PCYT1A: variants seen among roughly 807,000 people sequenced by gnomAD.
The protein encoded by PCYT1A is phosphate cytidylyltransferase 1A, choline.
Under a neutral mutation model 43.7 loss-of-function variants are expected in PCYT1A, and 25 were observed. The observed-to-expected ratio is 0.57, with a 90% CI of 0.42 to 0.80. The LOEUF (loss-of-function observed/expected upper bound fraction) is 0.80. Among genes scored for constraint, PCYT1A ranks in the 30% least tolerant of loss-of-function variants. PCYT1A has a pLI of 0.00. For synonymous variants in PCYT1A, 172 were observed against 170.7 expected (o/e 1.01, Z -0.06); for missense variants, 421 against 474.2 (o/e 0.89, Z 1.04).
rs192453839 is a variant in PCYT1A, at chr3:196,258,408, A to G, written c.118-521T>C. Among the ~76,000 whole-genome samples the G allele has an allele frequency of 1.1e-4, 16 of 152,206 alleles. No homozygotes were observed. The East Asian group carries it at 3.1e-3, about 29-fold the overall frequency. The stretch of plus-strand genomic sequence containing the variant: ...GTTCCTTGATATTATGTAACAGTGC[A>G]ATTGATTTGTATTTGTGTTTGTGTA... On this transcript the variant is annotated intron_variant, in intron 2 of 8. Transcript: ENST00000431016.
At chr3:196,257,149 C>G (rs752297909) in intron 3 of PCYT1A, among the ~76,000 whole-genome samples, 3 of 152,090 alleles carry the variant, frequency 2.0e-5, no homozygotes, top group Non-Finnish European at 4.4e-5. Context: ...TTGGAAGTTT[C>G]TTTTTATAAT....
At chr3:196,254,983 A>G (rs544183369) in intron 3 of PCYT1A, among the ~76,000 whole-genome samples, 1 of 152,236 alleles carries the variant, frequency 6.6e-6, no homozygotes, top group Non-Finnish European at 1.5e-5. Flanking sequence ...CTTGTCTCTC[A>G]AATCATATTT....
At chr3:196,260,154 C>G (rs1237387648) in intron 2 of PCYT1A, among the ~76,000 whole-genome samples, 1 of 151,862 alleles carries the variant, frequency 6.6e-6, no homozygotes, top group Non-Finnish European at 1.5e-5. Flanking sequence ...AACTCCTGGC[C>G]TCAAGTGATC....
chr3:196,250,631 C>A (rs942768901), intron 3 of PCYT1A: 1 of 157,834 alleles, frequency 6.3e-6, no homozygotes, highest in African/African-American at 2.6e-5. Context: ...ATACACTATG[C>A]TGAGGCTGAG....
chr3:196,274,297 G>T (rs1725525402), intron 1 of PCYT1A, among the ~76,000 whole-genome samples: 1 of 152,178 alleles, frequency 6.6e-6, no homozygotes, highest in South Asian at 2.1e-4. Context: ...AAACGGGCAG[G>T]GCTTCCACCT....
intron 7 of PCYT1A, among the ~76,000 whole-genome samples, chr3:196,241,126 T>C (rs1577353367): frequency 9.8e-6 from 1 of 101,906 alleles, no homozygotes; most frequent in Non-Finnish European, 1.9e-5. Flanking sequence ...AAACCCCATC[T>C]CTGCTAAAAA....
chr3:196,280,146 A>T (rs1419075614), intron 1 of PCYT1A, among the ~76,000 whole-genome samples: 1 of 152,080 alleles, frequency 6.6e-6, no homozygotes, highest in African/African-American at 2.4e-5. Flanking sequence ...AATCCTTTCT[A>T]TTCAACTTCC....
rs896792074 is a variant in PCYT1A at position 196,287,610 on chromosome 3, C to T, written c.-11+5G>A. ...TCAAACAGAGACGCAAAGATAGGCA[C>T]ACACCTGCAACTCACGCTCCCCCGA... On this transcript the variant is annotated splice_donor_5th_base_variant and intron_variant, in intron 1 of 8. Transcript: ENST00000431016. The T allele has an allele frequency of 2.0e-5, 3 of 152,392 alleles. No homozygotes were observed. The highest frequency in any genetic ancestry group is 2.9e-5 in the Non-Finnish European group (2 of 68,218). The allele number at this position is 152,392 out of a possible 1,614,324, so 9.4% of individuals were successfully genotyped here.
At chr3:196,253,209 C>T (rs1041964408) in intron 3 of PCYT1A, among the ~76,000 whole-genome samples, 12 of 151,828 alleles carry the variant, frequency 7.9e-5, no homozygotes, top group South Asian at 4.2e-4. Context: ...TGGTGGTGGG[C>T]GCCTGTAATC....
chr3:196,256,384 G>C (rs986880172), intron 3 of PCYT1A, among the ~76,000 whole-genome samples: 1 of 151,982 alleles, frequency 6.6e-6, no homozygotes, highest in Non-Finnish European at 1.5e-5. Flanking sequence ...CAGCTACTCG[G>C]GAGGCTGGGG....
chr3:196,274,346 A>G (rs892414133), intron 1 of PCYT1A, among the ~76,000 whole-genome samples: 1 of 152,238 alleles, frequency 6.6e-6, no homozygotes, highest in Admixed American at 6.5e-5. Context: ...CGTGCAGCAC[A>G]GACCATGCCT....
chr3:196,248,298 G>A lies in PCYT1A; in HGVS notation c.243C>T (p.Ala81=), dbSNP rs145098418. The A allele has an allele frequency of 1.7e-4, 277 of 1,610,678 alleles. 2 individuals carry two copies. The South Asian group carries it at 2.3e-3, about 13-fold the overall frequency. The stretch of plus-strand genomic sequence containing the variant: ...AGTGAAATAAGTCAAATATTCCATC[G>A]GCATAAACTCTCACAGGTCGCTCAC... ...TPCERPVRVY[A]DGIFDLFHSG... Residue 81 remains alanine (A), a synonymous_variant, in exon 4 of 9, where the codon GCC becomes GCT. Coordinates refer to ENST00000431016, the MANE Select transcript of PCYT1A (RefSeq NM_001312673.2).
chr3:196,257,241 A>G (rs1164578352), intron 3 of PCYT1A, among the ~76,000 whole-genome samples: 1 of 152,248 alleles, frequency 6.6e-6, no homozygotes, highest in Non-Finnish European at 1.5e-5. Context: ...CTGCTAATTA[A>G]TTATGTAAAT....
chr3:196,240,275 AGGT>A (rs2108761687), intron 7 of PCYT1A, among the ~76,000 whole-genome samples: 1 of 152,338 alleles, frequency 6.6e-6, no homozygotes, highest in Admixed American at 6.5e-5. Context: ...TAGTATTTTA[AGGT>A]CCATTTACTC....
rs1263934548 is a variant in PCYT1A, at chr3:196,237,865, A to G, written c.*823T>C. ...GTCCCGCTCCTCTCCTCATCATTGT[A>G]ACTCTAAAAGTGTTCCTTCCTTCGA... On this transcript the variant is annotated 3_prime_UTR_variant, in exon 9 of 9. Coordinates refer to ENST00000431016, the MANE Select transcript of PCYT1A (RefSeq NM_001312673.2). The G allele has an allele frequency of 6.6e-6, 1 of 152,232 alleles. No homozygotes were observed. 9.4% of individuals were successfully genotyped at this position (152,232 alleles called of 1,614,324 possible). A position where few individuals can be genotyped will look rare whatever the true frequency, so the allele number is the denominator to read the frequency against.
At chr3:196,269,029 C>T (rs540577613) in intron 2 of PCYT1A, among the ~76,000 whole-genome samples, 2 of 152,300 alleles carry the variant, frequency 1.3e-5, no homozygotes, top group African/African-American at 2.4e-5. Flanking sequence ...TGTGGGAACC[C>T]TCTAGAAGCT....
chr3:196,243,619 A>G (rs963613904), intron 5 of PCYT1A, among the ~76,000 whole-genome samples: 1 of 151,364 alleles, frequency 6.6e-6, no homozygotes, highest in Non-Finnish European at 1.5e-5. Flanking sequence ...ATCTCTGCTC[A>G]CTGCAACCTC....
In PCYT1A at chr3:196,235,979, A is replaced by G. The variant is rs921382292; in HGVS notation, c.*2709T>C. The G allele has an allele frequency of 6.6e-6, 1 of 152,226 alleles. No homozygotes were observed. Among genetic ancestry groups the G allele is most frequent in the Non-Finnish European group, 1.5e-5 (1 of 68,030 alleles). The allele number at this position is 152,226 out of a possible 1,614,324, so 9.4% of individuals were successfully genotyped here. On this transcript the variant is annotated 3_prime_UTR_variant, in exon 9 of 9. Coordinates refer to ENST00000431016, the MANE Select transcript of PCYT1A (RefSeq NM_001312673.2). The surrounding 1 kb of genome is among the most constrained non-coding windows in gnomAD (Gnocchi z 4.3). Reference sequence around the variant, plus strand: ...AAAGATTTTAGCTTTCAGTCAGACAAATAGCTTTCAGTCAAAACGATTAGA... The same window carrying G: ...AAAGATTTTAGCTTTCAGTCAGACAGATAGCTTTCAGTCAAAACGATTAGA...
chr3:196,241,424 G>T, intron 7 of PCYT1A: 2 of 903,790 alleles, frequency 2.2e-6, no homozygotes, highest in Non-Finnish European at 3.1e-6. Context: ...CTGGCCTCAA[G>T]CAGTCCTCCC....
Sources: gnomAD v4.1 joint callset for allele counts (sites outside exome capture counted in the v4.1 genomes callset) on GRCh38, gnomAD v4.1.1 for gene constraint, Gnocchi (gnomAD v3.1) non-coding constraint, MANE v1.5 for transcripts, NCBI Gene and HGNC (gene_info 2026-07-23, HGNC 2026-07-21) for gene names.